CYP2J2: variants seen among roughly 807,000 people sequenced by gnomAD.
The protein encoded by CYP2J2 is cytochrome P450 family 2 subfamily J member 2, also known as cytochrome P450 2J2.
In CYP2J2, 41 loss-of-function variants were observed where a neutral mutation model predicts 48.8. The ratio of observed to expected loss-of-function variants is 0.84; its 90% CI spans 0.66 to 1.09. The LOEUF is 1.09. CYP2J2 is among the 50% of genes least tolerant of loss of function. The pLI is 0.00. For missense variants in CYP2J2, 644 were observed against 617.3 expected, an observed-to-expected ratio of 1.04 and a Z score of -0.46; for synonymous variants, 221 against 227.1, an observed-to-expected ratio of 0.97 and a Z score of 0.24.
At chr1:59,960,405 C>T in the CYP2J2 span, among the ~76,000 whole-genome samples, 2,183 of 152,270 alleles carry the variant, frequency 0.014, 63 homozygotes, top group African/African-American at 0.05. Flanking sequence ...GTTAATTCCA[C>T]GGCACTTTCA....
chr1:59,913,715 C>T (rs903194455), intron 2 of CYP2J2, among the ~76,000 whole-genome samples: 2 of 152,226 alleles, frequency 1.3e-5, no homozygotes, highest in African/African-American at 4.8e-5. Flanking sequence ...CCTTCCTAGC[C>T]TGAGCTACCA....
At chr1:59,965,264 T>C in the CYP2J2 span, among the ~76,000 whole-genome samples, 1 of 152,136 alleles carries the variant, frequency 6.6e-6, no homozygotes, top group African/African-American at 2.4e-5. Flanking sequence ...TGCCTGCAAT[T>C]GACAGGAGAG....
the CYP2J2 span, among the ~76,000 whole-genome samples, chr1:59,948,769 A>G: frequency 5.8e-4 from 89 of 152,242 alleles, no homozygotes; most frequent in Non-Finnish European, 1.5e-4. Context: ...GGACTGCTGT[A>G]GCAATATTAT....
the CYP2J2 span, among the ~76,000 whole-genome samples, chr1:59,953,445 G>A: frequency 2.6e-5 from 4 of 152,110 alleles, no homozygotes; most frequent in East Asian, 3.9e-4. Flanking sequence ...AATATATCGG[G>A]CAGTGATAAT....
At chr1:59,926,904 A>C, upstream of CYP2J2, 1 of 664,534 alleles carries the variant, frequency 1.5e-6, no homozygotes, top group South Asian at 1.9e-5. Flanking sequence ...CCGGGAGGAC[A>C]CGCACCGGTC....
intron 1 of CYP2J2, among the ~76,000 whole-genome samples, chr1:59,918,503 C>G (rs553340480): frequency 6.6e-6 from 1 of 152,036 alleles, no homozygotes; most frequent in South Asian, 2.1e-4. Context: ...TGTTTAAACA[C>G]GGGGTAGGAG....
rs1559076287 is a variant in CYP2J2, at chr1:59,912,299, G to T, written c.386C>A (p.Ser129Ter). The T allele has an allele frequency of 6.2e-7, 1 of 1,612,572 alleles. No homozygotes were observed. The highest frequency in any genetic ancestry group is 2.2e-5 in the East Asian group (1 of 44,862). Reference sequence around the variant, plus strand: ...TTGCTCCTTCCATGCCTGGCCACTTGACATAATCAATCCTGGGAAAAAGAA... The same window carrying T: ...TTGCTCCTTCCATGCCTGGCCACTTTACATAATCAATCCTGGGAAAAAGAA... ...HIFKKNGLIM[S>*]SGQAWKEQRR... The change falls in exon 3 of 9, where the codon TCA becomes TAA. Residue 129 changes from serine (S) to a stop codon, truncating the protein, a stop_gained. Transcript: ENST00000371204. LOFTEE classifies it high-confidence loss of function.
chr1:59,943,682 T>C, the CYP2J2 span, among the ~76,000 whole-genome samples: 1 of 151,948 alleles, frequency 6.6e-6, no homozygotes, highest in Admixed American at 6.5e-5. Flanking sequence ...AAGCAGTTTT[T>C]TTTTTTTCCC....
the CYP2J2 span, among the ~76,000 whole-genome samples, chr1:59,945,354 G>A: frequency 6.6e-6 from 1 of 151,380 alleles, no homozygotes; most frequent in African/African-American, 2.4e-5. Flanking sequence ...TCTTCCTACT[G>A]ATTTAAAATG....
chr1:59,930,341 G>A (rs111977443), upstream of CYP2J2, among the ~76,000 whole-genome samples: 1,692 of 152,130 alleles, frequency 0.011, 25 homozygotes, highest in African/African-American at 0.039. Flanking sequence ...GTTTTTCATA[G>A]TGATTACACC....
intron 5 of CYP2J2, 44 bp downstream of exon 5, chr1:59,909,740 T>G (rs775220761): frequency 6.1e-6 from 9 of 1,472,666 alleles, no homozygotes; most frequent in Non-Finnish European, 7.3e-6. Context: ...ATACCTCTAT[T>G]TGTGCTCTAA....
the CYP2J2 span, among the ~76,000 whole-genome samples, chr1:59,964,487 C>T: frequency 1.3e-5 from 2 of 152,230 alleles, no homozygotes; most frequent in South Asian, 2.1e-4. Context: ...GGTCACATGT[C>T]TATATCCTAG....
At chr1:59,929,393 G>A (rs1270933520), upstream of CYP2J2, among the ~76,000 whole-genome samples, 2 of 152,158 alleles carry the variant, frequency 1.3e-5, no homozygotes, top group Non-Finnish European at 2.9e-5. Flanking sequence ...GTGTGACCCA[G>A]CACAGGAAAG....
At chr1:59,919,115 CCT>C (rs1644491156) in intron 1 of CYP2J2, among the ~76,000 whole-genome samples, 1 of 152,088 alleles carries the variant, frequency 6.6e-6, no homozygotes. Context: ...GGTCTGTTCC[CCT>C]GAGCTGTGCC....
the CYP2J2 span, among the ~76,000 whole-genome samples, chr1:59,957,337 A>G: frequency 6.7e-6 from 1 of 150,092 alleles, no homozygotes; most frequent in Non-Finnish European, 1.5e-5. Context: ...CCAGCTACCA[A>G]GGAAGGTGGG....
the CYP2J2 span, among the ~76,000 whole-genome samples, chr1:59,960,472 T>C: frequency 8.5e-5 from 13 of 152,214 alleles, no homozygotes; most frequent in Non-Finnish European, 1.6e-4. Context: ...ATAGTGCCTG[T>C]GTACAGGAGG....
chr1:59,939,371 G>T, the CYP2J2 span, among the ~76,000 whole-genome samples: 16,833 of 152,196 alleles, frequency 0.11, 1,202 homozygotes, highest in Admixed American at 0.17. Flanking sequence ...ACAAGATCTC[G>T]AAGAATTCTC....
chr1:59,958,113 G>T, the CYP2J2 span, among the ~76,000 whole-genome samples: 1 of 152,086 alleles, frequency 6.6e-6, no homozygotes, highest in Admixed American at 6.6e-5. Flanking sequence ...GCTAAAATTA[G>T]AACTGATTAC....
intron 8 of CYP2J2, among the ~76,000 whole-genome samples, chr1:59,895,102 T>C (rs1163576649): frequency 6.6e-6 from 1 of 152,154 alleles, no homozygotes; most frequent in East Asian, 1.9e-4. Flanking sequence ...AATGCAACCA[T>C]CCAAGCCAGG....
Sources: allele counts gnomAD v4.1 joint callset (sites outside exome capture counted in the v4.1 genomes callset), GRCh38; gene constraint gnomAD v4.1.1; transcripts MANE v1.5; gene names NCBI Gene and HGNC (gene_info 2026-07-23, HGNC 2026-07-21).